LIPA: variants seen among roughly 807,000 people sequenced by gnomAD.
The protein encoded by LIPA is lipase A, lysosomal acid type.
Under a neutral mutation model 40.6 loss-of-function variants are expected in LIPA, and 26 were observed. That is an observed-to-expected ratio of 0.64 (90% CI 0.47 to 0.89). The LOEUF (loss-of-function observed/expected upper bound fraction) is 0.89. LIPA is among the 40% of genes least tolerant of loss of function. LIPA has a pLI of 0.00. For synonymous variants in LIPA, 188 were observed against 168.4 expected, an observed-to-expected ratio of 1.12 and a Z score of -0.90; for missense variants, 455 against 479.6, an observed-to-expected ratio of 0.95 and a Z score of 0.48.
chr10:89,403,799 C>T, intron 2 of LIPA: 1 of 722,416 alleles, frequency 1.4e-6, no homozygotes, highest in Non-Finnish European at 2.3e-6. Context: ...TTTTCAGAAA[C>T]ATTATAATTC....
At chr10:89,355,567 G>C (rs1280923044) in intron 2 of LIPA, among the ~76,000 whole-genome samples, 1 of 152,194 alleles carries the variant, frequency 6.6e-6, no homozygotes, top group Non-Finnish European at 1.5e-5. Flanking sequence ...TTGAATAGGG[G>C]CTGGGTGAAA....
chr10:89,281,269 C>G (rs985134247), intron 1 of LIPA, among the ~76,000 whole-genome samples: 14 of 152,090 alleles, frequency 9.2e-5, no homozygotes, highest in African/African-American at 3.4e-4. Flanking sequence ...GAATGCCCCC[C>G]CACCCTGATA....
At position 89,247,589 on chromosome 10, in the gene LIPA, CT is replaced by C; in HGVS notation, c.59del (p.Glu20GlyfsTer7). ...CAGCTGTCAGTTTCCCTCCAGACCCCTCAGAATGCAGGGTCCAGAGAACCAA... is the reference window on the plus strand; with the variant it reads ...CAGCTGTCAGTTTCCCTCCAGACCCCCAGAATGCAGGGTCCAGAGAACCAA... ...VCLVLWTLHS[E>X]GSGGKLTAVD... On this transcript the variant is annotated frameshift_variant, in exon 2 of 10. Coordinates refer to ENST00000336233, the MANE Select transcript of LIPA (RefSeq NM_000235.4). LOFTEE classifies it high-confidence loss of function. The C allele has an allele frequency of 6.2e-7, 1 of 1,613,504 alleles. No homozygotes were observed. Among genetic ancestry groups the C allele is most frequent in the Non-Finnish European group, 8.5e-7 (1 of 1,179,632 alleles).
chr10:89,265,978 A>G (rs562474586), intron 1 of LIPA, among the ~76,000 whole-genome samples: 1 of 152,360 alleles, frequency 6.6e-6, no homozygotes, highest in East Asian at 1.9e-4. Flanking sequence ...ATCAAAATGC[A>G]TGTGTACAAC....
At chr10:89,260,078 A>G (rs1225850667) in intron 1 of LIPA, among the ~76,000 whole-genome samples, 3 of 152,236 alleles carry the variant, frequency 2.0e-5, no homozygotes, top group Non-Finnish European at 4.4e-5. Context: ...TTAAAAAAAT[A>G]CTAATAGTTA....
intron 1 of LIPA, chr10:89,339,694 C>G: frequency 6.2e-7 from 1 of 1,614,086 alleles, no homozygotes; most frequent in Non-Finnish European, 8.5e-7. Context: ...TTATCAGACA[C>G]CATTCAATAA....
chr10:89,386,938 G>A (rs1844213650), intron 2 of LIPA, among the ~76,000 whole-genome samples: 1 of 129,534 alleles, frequency 7.7e-6, no homozygotes, highest in South Asian at 2.3e-4. Flanking sequence ...TGAGTCTGTG[G>A]GTATATGAGT....
Position 89,223,744 on chromosome 10 carries a change from C to G in LIPA, c.762G>C (p.Lys254Asn). 1 of 1,613,694 alleles carries G rather than the reference C, an allele frequency of 6.2e-7. No homozygotes were observed. Among genetic ancestry groups the G allele is most frequent in the Non-Finnish European group, 8.5e-7 (1 of 1,179,638 alleles). Residue 254 changes from lysine (K) to asparagine (N), a missense_variant, in exon 7 of 10, where the codon AAG becomes AAC. Transcript: ENST00000336233. ...GAAAACAGAGATTTCCACAGAGCTC[C>G]TTCAGTATGACATGAGTGCAAACGT... ...GTHVCTHVIL[K>N]ELCGNLCFLL... is the part of the protein sequence containing the mutation.
At chr10:89,320,172 C>G in intron 1 of LIPA, among the ~76,000 whole-genome samples, 1 of 152,288 alleles carries the variant, frequency 6.6e-6, no homozygotes, top group Non-Finnish European at 1.5e-5. Flanking sequence ...CAGGGATGCC[C>G]TCTCTCAACA....
At chr10:89,268,381 G>A (rs1254204458) in intron 1 of LIPA, among the ~76,000 whole-genome samples, 2 of 152,292 alleles carry the variant, frequency 1.3e-5, no homozygotes, top group South Asian at 2.1e-4. Flanking sequence ...CTCAATAGAT[G>A]TTAGTTGATT....
chr10:89,248,446 T>TA (rs1444944330), intron 1 of LIPA, among the ~76,000 whole-genome samples: 1,049 of 29,366 alleles, frequency 0.036, 3 homozygotes, highest in African/African-American at 0.049. Context: ...TATTTTATAT[T>TA]TATTTATTTA....
chr10:89,282,101 C>T (rs1843319116), intron 1 of LIPA, among the ~76,000 whole-genome samples: 1 of 152,188 alleles, frequency 6.6e-6, no homozygotes, highest in Non-Finnish European at 1.5e-5. Context: ...GTGACTTTCC[C>T]AGAACCTCAG....
At chr10:89,228,583 C>T (rs1020576603) in intron 3 of LIPA, among the ~76,000 whole-genome samples, 185 bp from the exon 4 acceptor site, 1 of 152,158 alleles carries the variant, frequency 6.6e-6, no homozygotes, top group African/African-American at 2.4e-5. Context: ...ACAGCACTGG[C>T]AAGGTAGCAG....
In LIPA at chr10:89,214,982, T is replaced by C. The variant is rs149459699; in HGVS notation, c.1046A>G (p.Asp349Gly). Reference protein sequence around the residue: ...VWSGGHDWLADVYDVNILLTQ... With the variant: ...VWSGGHDWLAGVYDVNILLTQ... The stretch of plus-strand genomic sequence containing the variant: ...CAGTAAGATATTGACGTCGTAGACA[T>C]CTGCAAGCCAGTCGTGACCCCCGCT... The change falls in exon 10 of 10, where the codon GAT (aspartate) becomes GGT (glycine). Residue 349 changes from aspartate (D) to glycine (G), a missense_variant. By Grantham distance (94) the Asp-to-Gly change is moderately conservative (BLOSUM62 -1). Transcript: ENST00000336233. The C allele has an allele frequency of 5.1e-5, 82 of 1,614,162 alleles. No homozygotes were observed. In the African/African-American group the frequency reaches 8.4e-4, roughly 17 times the overall value.
At chr10:89,386,235 A>C (rs1225968326) in intron 2 of LIPA, among the ~76,000 whole-genome samples, 1 of 152,152 alleles carries the variant, frequency 6.6e-6, no homozygotes, top group Non-Finnish European at 1.5e-5. Context: ...AAAACTAGGG[A>C]GGCATTTACT....
chr10:89,391,572 C>T (rs181020674), intron 2 of LIPA, among the ~76,000 whole-genome samples: 42 of 152,176 alleles, frequency 2.8e-4, no homozygotes, highest in Admixed American at 2.3e-3. Context: ...GCTCTGTCAC[C>T]AGACTGGAGT....
chr10:89,399,483 C>T (rs1379178073), intron 2 of LIPA, among the ~76,000 whole-genome samples: 1 of 152,022 alleles, frequency 6.6e-6, no homozygotes, highest in African/African-American at 2.4e-5. Context: ...TTTTTCCTTT[C>T]TTCTGAGTTT....
At chr10:89,266,430 A>G (rs982952721) in intron 1 of LIPA, among the ~76,000 whole-genome samples, 1 of 152,224 alleles carries the variant, frequency 6.6e-6, no homozygotes, top group Admixed American at 6.5e-5. Context: ...ATGATGGTTC[A>G]GTGTACACAA....
chr10:89,272,773 T>TAGA (rs1843272050), intron 1 of LIPA, among the ~76,000 whole-genome samples: 1 of 152,234 alleles, frequency 6.6e-6, no homozygotes, highest in Non-Finnish European at 1.5e-5. Flanking sequence ...TTTTGGACGT[T>TAGA]TTATTAACAG....
Sources: gnomAD v4.1 joint callset for allele counts (sites outside exome capture counted in the v4.1 genomes callset) on GRCh38, gnomAD v4.1.1 for gene constraint, MANE v1.5 for transcripts, NCBI Gene and HGNC (gene_info 2026-07-23, HGNC 2026-07-21) for gene names.